The following ZC3H12B variants were observed in gnomAD, a reference collection of about 807,000 sequenced individuals.
ZC3H12B encodes the protein zinc finger CCCH-type containing 12B.
ZC3H12B carries 7 observed loss-of-function variants against 43.9 expected under a neutral mutation model. The ratio of observed to expected loss-of-function variants is 0.16; its 90% CI spans 0.09 to 0.30. ZC3H12B has a LOEUF of 0.30. ZC3H12B is among the 10% of genes least tolerant of loss of function. The pLI is 1.00. For synonymous variants in ZC3H12B, 222 were observed against 241.7 expected, an observed-to-expected ratio of 0.92 and a Z score of 0.76; for missense variants, 475 against 670.2, an observed-to-expected ratio of 0.71 and a Z score of 3.22.
At chrX:65,056,837 T>C in the ZC3H12B span, among the ~76,000 whole-genome samples, 4 of 111,985 alleles carry the variant, frequency 3.6e-5, no homozygotes, top group Non-Finnish European at 5.6e-5. Flanking sequence ...CCCTTTACTA[T>C]TATGTAATGG....
chrX:65,358,183 C>A, the ZC3H12B span, among the ~76,000 whole-genome samples: 1 of 110,871 alleles, frequency 9.0e-6, no homozygotes, highest in Non-Finnish European at 1.9e-5. Context: ...ACAAGAGTAC[C>A]CAGATTCATG....
upstream of ZC3H12B, among the ~76,000 whole-genome samples, chrX:65,365,565 G>T: frequency 9.1e-6 from 1 of 110,110 alleles, no homozygotes; most frequent in South Asian, 4.0e-4. Flanking sequence ...GAAAAATATC[G>T]CCCATTATCT....
At chrX:65,453,854 G>A (rs757563229) in intron 3 of ZC3H12B, among the ~76,000 whole-genome samples, 2 of 111,908 alleles carry the variant, frequency 1.8e-5, no homozygotes, top group Non-Finnish European at 3.8e-5. Flanking sequence ...TCATAAGTGG[G>A]AGCTAAGCTA....
intron 2 of ZC3H12B, among the ~76,000 whole-genome samples, chrX:65,384,370 G>A (rs1327553462): frequency 3.6e-5 from 4 of 110,916 alleles, no homozygotes; most frequent in Non-Finnish European, 7.5e-5. Flanking sequence ...GGACTGTTGT[G>A]GGGTGTGGGG....
chrX:65,363,083 G>T (rs1272775619), upstream of ZC3H12B, among the ~76,000 whole-genome samples: 2 of 111,489 alleles, frequency 1.8e-5, no homozygotes, highest in East Asian at 5.7e-4. Context: ...CTGCTGCAAG[G>T]CTTCAGGGAC....
chrX:65,277,762 G>T, the ZC3H12B span, among the ~76,000 whole-genome samples: 34 of 110,757 alleles, frequency 3.1e-4, no homozygotes, highest in East Asian at 9.4e-3. Flanking sequence ...TCAAAAAACT[G>T]GAAAGATTAC....
the ZC3H12B span, among the ~76,000 whole-genome samples, chrX:65,147,834 G>C: frequency 9.0e-6 from 1 of 110,595 alleles, no homozygotes; most frequent in African/African-American, 3.3e-5. Context: ...GTCTGTGGGG[G>C]CTTATCTGGA....
the ZC3H12B span, among the ~76,000 whole-genome samples, chrX:65,226,132 C>T: frequency 9.0e-6 from 1 of 111,598 alleles, no homozygotes; most frequent in Non-Finnish European, 1.9e-5. Context: ...AGAGAAAGGT[C>T]GGGTTACCCA....
At chrX:65,177,956 ACTATC>A in the ZC3H12B span, among the ~76,000 whole-genome samples, 1 of 112,183 alleles carries the variant, frequency 8.9e-6, no homozygotes, top group East Asian at 2.8e-4. Context: ...TATACCCAAG[ACTATC>A]CTAAGCAAAA....
chrX:65,136,851 A>G, the ZC3H12B span, among the ~76,000 whole-genome samples: 1 of 111,863 alleles, frequency 8.9e-6, no homozygotes, highest in Admixed American at 9.5e-5. Flanking sequence ...AGAAATAGGG[A>G]AAAGAATGTC....
chrX:65,342,497 C>A, the ZC3H12B span, among the ~76,000 whole-genome samples: 5 of 111,936 alleles, frequency 4.5e-5, no homozygotes, highest in African/African-American at 1.3e-4. Context: ...GAAGTCAAGA[C>A]TAAGAAAATA....
chrX:65,165,964 C>T, the ZC3H12B span, among the ~76,000 whole-genome samples: 1 of 112,059 alleles, frequency 8.9e-6, no homozygotes, highest in African/African-American at 3.2e-5. Context: ...TCTGCTATTT[C>T]CTGACTTTTT....
chrX:65,200,240 C>T, the ZC3H12B span, among the ~76,000 whole-genome samples: 4 of 110,762 alleles, frequency 3.6e-5, no homozygotes, highest in African/African-American at 1.3e-4. Context: ...TTATTGGCCG[C>T]ATGTATGTCT....
At chrX:65,164,895 A>T in the ZC3H12B span, among the ~76,000 whole-genome samples, 1 of 112,230 alleles carries the variant, frequency 8.9e-6, no homozygotes. Context: ...GAAAATATTA[A>T]CAAGAGTCTT....
intron 3 of ZC3H12B, among the ~76,000 whole-genome samples, chrX:65,465,823 CTTTA>C (rs978841877): frequency 2.7e-5 from 3 of 109,905 alleles, no homozygotes; most frequent in Non-Finnish European, 1.9e-5. Flanking sequence ...TTTTTTCCAA[CTTTA>C]TTTAGGTATA....
At chrX:65,143,878 C>T in the ZC3H12B span, among the ~76,000 whole-genome samples, 1 of 110,825 alleles carries the variant, frequency 9.0e-6, no homozygotes, top group African/African-American at 3.3e-5. Context: ...CTTGAGTTAC[C>T]TGTTTTATAT....
the ZC3H12B span, chrX:65,357,262 G>A: frequency 2.8e-6 from 1 of 357,490 alleles, no homozygotes. Flanking sequence ...TCAATAGGAT[G>A]GTAGGATGAC....
the ZC3H12B span, among the ~76,000 whole-genome samples, chrX:65,181,551 T>C: frequency 9.0e-6 from 1 of 111,027 alleles, no homozygotes; most frequent in East Asian, 2.8e-4. Context: ...AGTAAACAAA[T>C]TTACAAGAAA....
the ZC3H12B span, among the ~76,000 whole-genome samples, chrX:65,212,137 A>C: frequency 1.8e-5 from 1 of 55,659 alleles, no homozygotes; most frequent in East Asian, 6.5e-4. Flanking sequence ...TATACTATAT[A>C]TTATATTAAC....
Sources: gnomAD v4.1 joint callset for allele counts (sites outside exome capture counted in the v4.1 genomes callset) on GRCh38, gnomAD v4.1.1 for gene constraint, MANE v1.5 for transcripts, NCBI Gene and HGNC (gene_info 2026-07-23, HGNC 2026-07-21) for gene names.